The following ARHGEF9 variants were observed in gnomAD, a reference collection of about 807,000 sequenced individuals.
The protein encoded by ARHGEF9 is Cdc42 guanine nucleotide exchange factor 9.
ARHGEF9 carries 2 observed loss-of-function variants against 41.3 expected under a neutral mutation model. That is an observed-to-expected ratio of 0.05 (90% CI 0.02 to 0.15). The LOEUF (loss-of-function observed/expected upper bound fraction) is 0.15, where lower values mean the gene tolerates loss of function less well. ARHGEF9 is among the 10% of genes least tolerant of loss of function. The pLI, the probability that ARHGEF9 is intolerant of heterozygous loss-of-function variation, is 1.00. For missense variants in ARHGEF9, 225 were observed against 424.7 expected (o/e 0.53, Z 4.13); for synonymous variants, 160 against 154.4 (o/e 1.04, Z -0.27).
At chrX:63,720,601 A>G (rs2053582566) in intron 2 of ARHGEF9, among the ~76,000 whole-genome samples, 1 of 112,418 alleles carries the variant, frequency 8.9e-6, no homozygotes, top group African/African-American at 3.2e-5. Context: ...CTGTCTAGTA[A>G]AATTGTCTTA....
rs1377352595 is a variant in ARHGEF9, at chrX:63,774,800, C to T, written c.30+10316G>A. On this transcript the variant is annotated intron_variant, in intron 1 of 9. Transcript: ENST00000671741. ...ATGACAAAGACACCAACAGCAATTGCAACAAAAACAAAAGTTAACATATGC... is the reference window on the plus strand; with the variant it reads ...ATGACAAAGACACCAACAGCAATTGTAACAAAAACAAAAGTTAACATATGC... Among the ~76,000 whole-genome samples the T allele has an allele frequency of 5.4e-5, 6 of 111,676 alleles. No individual in the cohort carries two copies. The East Asian group carries it at 1.7e-3, about 31-fold the overall frequency.
At chrX:63,779,601 A>ACCC (rs1292988419) in intron 1 of ARHGEF9, among the ~76,000 whole-genome samples, 1 of 111,828 alleles carries the variant, frequency 8.9e-6, no homozygotes, top group Admixed American at 9.4e-5. Context: ...GACACAGCAA[A>ACCC]ACCATATAAC....
At chrX:63,692,522 G>T (rs187960859) in intron 4 of ARHGEF9, among the ~76,000 whole-genome samples, 1 of 111,955 alleles carries the variant, frequency 8.9e-6, no homozygotes, top group Non-Finnish European at 1.9e-5. Context: ...TCATCTCACC[G>T]CAGTTAGAAT....
At chrX:63,775,883 C>G (rs1329474169) in intron 1 of ARHGEF9, among the ~76,000 whole-genome samples, 2 of 111,407 alleles carry the variant, frequency 1.8e-5, no homozygotes, top group Non-Finnish European at 3.8e-5. Flanking sequence ...AATACTGTCT[C>G]TTGGAAGCCC....
At chrX:63,735,191 T>G (rs782515522) in intron 1 of ARHGEF9, among the ~76,000 whole-genome samples, 47 of 111,870 alleles carry the variant, frequency 4.2e-4, no homozygotes, top group South Asian at 7.5e-4. Flanking sequence ...CACAGATCCC[T>G]TAGGCGACCT....
chrX:63,741,675 T>A (rs1476229446), intron 1 of ARHGEF9, among the ~76,000 whole-genome samples: 1 of 112,706 alleles, frequency 8.9e-6, no homozygotes, highest in African/African-American at 3.2e-5. Flanking sequence ...ATGCCCCATA[T>A]GTATGTGGGT....
At chrX:63,694,499 A>G (rs2051600825) in intron 4 of ARHGEF9, among the ~76,000 whole-genome samples, 1 of 112,644 alleles carries the variant, frequency 8.9e-6, no homozygotes, top group Admixed American at 9.4e-5. Flanking sequence ...TATCCATGCA[A>G]TGGAGTGCTA....
intron 1 of ARHGEF9, among the ~76,000 whole-genome samples, chrX:63,769,886 AG>A (rs2056175696): frequency 8.9e-6 from 1 of 112,481 alleles, no homozygotes; most frequent in African/African-American, 3.2e-5. Context: ...TTGCTGTGGG[AG>A]GGGGAGATGC....
chrX:63,639,764 G>A (rs1347432115), intron 9 of ARHGEF9: 1 of 112,412 alleles, frequency 8.9e-6, no homozygotes, highest in Non-Finnish European at 1.9e-5. Flanking sequence ...TACATACACA[G>A]TGGAATATTA....
rs2047365465 is a variant in ARHGEF9, at chrX:63,637,488, C to A, written c.*540G>T. On this transcript the variant is annotated 3_prime_UTR_variant, in exon 10 of 10. Transcript: ENST00000671741. ...GAAGGAGAGGAGAAAGGAGCTCATT[C>A]CCTTCCTCAATGGAAAGTAAAAGAG... 3.5e-6 allele frequency: 1 copy of A among 285,021 alleles called. No individual in the cohort carries two copies. The allele number at this position is 285,021 out of a possible 1,213,427, so 23.5% of individuals were successfully genotyped here. A position where few individuals can be genotyped will look rare whatever the true frequency, so the allele number is the denominator to read the frequency against.
At chrX:63,745,545 A>G (rs1475115356) in intron 1 of ARHGEF9, among the ~76,000 whole-genome samples, 1 of 111,549 alleles carries the variant, frequency 9.0e-6, no homozygotes, top group Non-Finnish European at 1.9e-5. Flanking sequence ...CCTATAGGGG[A>G]GGTAGCAAGT....
chrX:63,712,342 T>C (rs1181741426), intron 2 of ARHGEF9, among the ~76,000 whole-genome samples: 2 of 112,287 alleles, frequency 1.8e-5, no homozygotes, highest in Non-Finnish European at 3.8e-5. Context: ...AGTAGCATTA[T>C]ACATAACAAC....
At chrX:63,766,516 G>A in intron 1 of ARHGEF9, among the ~76,000 whole-genome samples, 1 of 111,734 alleles carries the variant, frequency 8.9e-6, no homozygotes, top group Non-Finnish European at 1.9e-5. Flanking sequence ...GTTGCCTGAG[G>A]TTCACGGTAA....
In ARHGEF9 at chrX:63,637,966, G is replaced by A. The variant is rs1323474041; in HGVS notation, c.*62C>T. The A allele has an allele frequency of 3.0e-5, 31 of 1,029,252 alleles. No individual in the cohort carries two copies. The highest frequency in any genetic ancestry group is 3.9e-5 in the Non-Finnish European group (30 of 774,290). The allele number at this position is 1,029,252 out of a possible 1,213,427, so 84.8% of individuals were successfully genotyped here. On this transcript the variant is annotated 3_prime_UTR_variant, in exon 10 of 10. Transcript: ENST00000671741. The stretch of plus-strand genomic sequence containing the variant: ...TTTCAACAGTGCTTCTCCGAAAAAA[G>A]GTCCATCTATAAATATAATTTTATT...
intron 5 of ARHGEF9, 59 bp downstream of exon 5, chrX:63,678,281 T>G: frequency 1.2e-5 from 12 of 999,512 alleles, no homozygotes; most frequent in East Asian, 3.3e-5. Flanking sequence ...GTATTCTCAA[T>G]GAGAACCAAC....
intron 1 of ARHGEF9, chrX:63,755,449 G>A: frequency 3.6e-6 from 1 of 278,649 alleles, no homozygotes; most frequent in Non-Finnish European, 6.3e-6. Flanking sequence ...GGGAGGGAAG[G>A]GACCCAATAG....
chrX:63,724,484 T>C (rs56054803), intron 2 of ARHGEF9, 48 bp downstream of exon 2: 199 of 1,177,047 alleles, frequency 1.7e-4, no homozygotes, highest in Non-Finnish European at 2.2e-4. Flanking sequence ...GGAAGCCAGG[T>C]ACAGGCAGCC....
intron 4 of ARHGEF9, among the ~76,000 whole-genome samples, chrX:63,683,766 ATGT>A (rs1556372336): frequency 9.0e-6 from 1 of 111,682 alleles, no homozygotes; most frequent in African/African-American, 3.3e-5. Context: ...TCTTCAATAA[ATGT>A]TGTTGGAAAA....
intron 1 of ARHGEF9, among the ~76,000 whole-genome samples, chrX:63,755,566 G>GA (rs1259380301): frequency 2.7e-5 from 3 of 111,207 alleles, no homozygotes; most frequent in Non-Finnish European, 5.7e-5. Flanking sequence ...GGGAAAGGCA[G>GA]AAAAAAGGAT....
Sources: allele counts gnomAD v4.1 joint callset (sites outside exome capture counted in the v4.1 genomes callset), GRCh38; gene constraint gnomAD v4.1.1; transcripts MANE v1.5; gene names NCBI Gene and HGNC (gene_info 2026-07-23, HGNC 2026-07-21).